SSTR3: variants seen among roughly 807,000 people sequenced by gnomAD.
SSTR3 encodes somatostatin receptor type 3.
For synonymous variants in SSTR3, 281 were observed against 269.2 expected, an observed-to-expected ratio of 1.04 and a Z score of -0.43; for missense variants, 504 against 604.7, an observed-to-expected ratio of 0.83 and a Z score of 1.75.
chr22:37,215,141 G>A (rs535336010), upstream of SSTR3, among the ~76,000 whole-genome samples: 3 of 152,254 alleles, frequency 2.0e-5, no homozygotes, highest in Non-Finnish European at 2.9e-5. Flanking sequence ...CTTATGCCTC[G>A]GTGCATACAT....
Position 37,207,176 on chromosome 22 carries a change from T to A in SSTR3, c.628A>T (p.Thr210Ser), listed in dbSNP as rs140167759. Reference sequence around the variant, plus strand: ...GGCCCGAAGAAGCCCAGTGCGGCCGTGTAGATGATGAAGCCGGCTCGCCAG... The same window carrying A: ...GGCCCGAAGAAGCCCAGTGCGGCCGAGTAGATGATGAAGCCGGCTCGCCAG... ...AAWRAGFIIY[T>S]AALGFFGPLL... The change falls in exon 2 of 2, where the codon ACG (threonine) becomes TCG (serine). Residue 210 changes from threonine (T) to serine (S), a missense_variant. Transcript: ENST00000610913. The A allele has an allele frequency of 1.1e-5, 17 of 1,611,878 alleles. No homozygotes were observed. Among genetic ancestry groups the A allele is most frequent in the Non-Finnish European group, 1.4e-5 (17 of 1,179,504 alleles).
chr22:37,213,980 A>G (rs953190321), upstream of SSTR3, among the ~76,000 whole-genome samples: 2 of 152,202 alleles, frequency 1.3e-5, no homozygotes, highest in Non-Finnish European at 2.9e-5. Flanking sequence ...CCTGCCGTGC[A>G]CTGAACTTAA....
At chr22:37,216,693 G>A (rs1304777228), upstream of SSTR3, among the ~76,000 whole-genome samples, 1 of 152,210 alleles carries the variant, frequency 6.6e-6, no homozygotes, top group Non-Finnish European at 1.5e-5. Flanking sequence ...TTGTTGTTTG[G>A]GGATTCCCTT....
In SSTR3 at chr22:37,207,371, C is replaced by T. The variant is rs142693615; in HGVS notation, c.433G>A (p.Val145Met). Residue 145 changes from valine to methionine, a missense_variant, in exon 2 of 2, where the codon GTG becomes ATG. Physicochemically the swap from Val to Met is conservative, Grantham distance 21 (BLOSUM62 1). Transcript: ENST00000610913. ...CGGGCCGAGCGGGTGGGATGTACCA[C>T]GGCCAGGTAGCGGTCCACGCTCATG... ...TVMSVDRYLA[V>M]VHPTRSARWR... is the part of the protein sequence containing the mutation. The T allele has an allele frequency of 7.4e-6, 12 of 1,610,882 alleles. No homozygotes were observed. The highest frequency in any genetic ancestry group is 1.6e-4 in the Middle Eastern group (1 of 6,072).
chr22:37,216,901 A>G (rs1244504516), upstream of SSTR3, among the ~76,000 whole-genome samples: 1 of 152,154 alleles, frequency 6.6e-6, no homozygotes, highest in Non-Finnish European at 1.5e-5. Context: ...CCCAGGCCCA[A>G]GCGATCTTCT....
rs1387701573 is a variant in SSTR3, at chr22:37,212,001, T to A, written c.-213A>T. 1 of 985,618 alleles carries A rather than the reference T, an allele frequency of 1.0e-6. No individual in the cohort carries two copies. The highest frequency in any genetic ancestry group is 1.2e-6 in the Non-Finnish European group (1 of 830,232). 61.1% of individuals were successfully genotyped at this position (985,618 alleles called of 1,614,324 possible). ...TCCCTCCCAGGCCCTCGGCCACGGCTGTCCACAGAGCCTCTCCCATCTGGT... is the reference window on the plus strand; with the variant it reads ...TCCCTCCCAGGCCCTCGGCCACGGCAGTCCACAGAGCCTCTCCCATCTGGT... On this transcript the variant is annotated 5_prime_UTR_variant, in exon 1 of 2. Transcript: ENST00000610913.
intron 1 of SSTR3, among the ~76,000 whole-genome samples, chr22:37,209,787 C>T (rs1278359720): frequency 2.0e-5 from 3 of 152,206 alleles, no homozygotes; most frequent in Admixed American, 2.0e-4. Context: ...AAACTGAAGC[C>T]AGGCCTGGGA....
At chr22:37,210,386 T>C (rs1926119363) in intron 1 of SSTR3, among the ~76,000 whole-genome samples, 6 of 152,218 alleles carry the variant, frequency 3.9e-5, no homozygotes, top group Admixed American at 3.9e-4. Context: ...CAGACCCTCC[T>C]TTGTACCAGG....
chr22:37,210,605 C>T, intron 1 of SSTR3: 1 of 985,466 alleles, frequency 1.0e-6, no homozygotes, highest in Non-Finnish European at 1.2e-6. Context: ...CTAGTTCATC[C>T]TTGAGAAGGA....
At position 37,204,872 on chromosome 22, in the gene SSTR3, G is replaced by A. The variant is rs933620016; in HGVS notation, c.*1675C>T. ...GTGCTGAAGATCCAAGTCTCCAAAA[G>A]TCTGGTTCCTGTGCTTTCCCTGAGG... On this transcript the variant is annotated 3_prime_UTR_variant, in exon 2 of 2. Coordinates refer to ENST00000610913, the MANE Select transcript of SSTR3 (RefSeq NM_001051.5). The A allele has an allele frequency of 2.0e-5, 3 of 152,300 alleles. No individual in the cohort carries two copies. Among genetic ancestry groups the A allele is most frequent in the East Asian group, 1.9e-4 (1 of 5,194 alleles). The allele number at this position is 152,300 out of a possible 1,614,324, so 9.4% of individuals were successfully genotyped here.
chr22:37,219,638 A>G, the SSTR3 span, among the ~76,000 whole-genome samples: 1 of 152,192 alleles, frequency 6.6e-6, no homozygotes, highest in Non-Finnish European at 1.5e-5. Context: ...GGAGGAGCAG[A>G]TAACGAAGAG....
In SSTR3 at chr22:37,211,979, C is replaced by T; in HGVS notation, c.-191G>A. The T allele has an allele frequency of 1.0e-6, 1 of 985,684 alleles. No homozygotes were observed. Among genetic ancestry groups the T allele is most frequent in the Non-Finnish European group, 1.2e-6 (1 of 830,168 alleles). The allele number at this position is 985,684 out of a possible 1,614,324, so 61.1% of individuals were successfully genotyped here. A position where few individuals can be genotyped will look rare whatever the true frequency, so the allele number is the denominator to read the frequency against. ...TAGACCGCTTGCGGGCTCAGGTTCC[C>T]TCCCAGGCCCTCGGCCACGGCTGTC... On this transcript the variant is annotated 5_prime_UTR_variant, in exon 1 of 2. Coordinates refer to ENST00000610913, the MANE Select transcript of SSTR3 (RefSeq NM_001051.5).
intron 1 of SSTR3, among the ~76,000 whole-genome samples, chr22:37,208,910 G>T (rs1926019488): frequency 6.6e-6 from 1 of 152,212 alleles, no homozygotes; most frequent in Non-Finnish European, 1.5e-5. Flanking sequence ...CCAGTGCCAA[G>T]GGGGAATGTC....
chr22:37,210,050 A>G (rs73887412), intron 1 of SSTR3, among the ~76,000 whole-genome samples: 349 of 152,332 alleles, frequency 2.3e-3, no homozygotes, highest in African/African-American at 8.1e-3. Flanking sequence ...CTGGAACCTT[A>G]GAGTCCTGCC....
At position 37,205,968 on chromosome 22, in the gene SSTR3, G is replaced by A. The variant is rs1409628415; in HGVS notation, c.*579C>T. On this transcript the variant is annotated 3_prime_UTR_variant, in exon 2 of 2. Coordinates refer to ENST00000610913, the MANE Select transcript of SSTR3 (RefSeq NM_001051.5). ...CTGCCTGGGCCAAAAGGGTGTAGAG[G>A]TTGTTGGGTTTTACCCAGGTGAAGC... 1.3e-5 allele frequency: 2 copies of A among 152,358 alleles called. No individual in the cohort carries two copies. Among genetic ancestry groups the A allele is most frequent in the African/African-American group, 4.8e-5 (2 of 41,428 alleles). The allele number at this position is 152,358 out of a possible 1,614,324, so 9.4% of individuals were successfully genotyped here.
intron 1 of SSTR3, among the ~76,000 whole-genome samples, chr22:37,208,447 C>T (rs1010773552): frequency 3.9e-5 from 6 of 152,034 alleles, no homozygotes; most frequent in Non-Finnish European, 8.8e-5. Context: ...CAGCCTGGGC[C>T]ATCCCACTGT....
In SSTR3 at chr22:37,212,069, C is replaced by G; in HGVS notation, c.-281G>C. The G allele has an allele frequency of 3.0e-6, 3 of 985,738 alleles. No individual in the cohort carries two copies. Among genetic ancestry groups the G allele is most frequent in the Non-Finnish European group, 3.6e-6 (3 of 830,202 alleles). 61.1% of individuals were successfully genotyped at this position (985,738 alleles called of 1,614,324 possible). On this transcript the variant is annotated 5_prime_UTR_variant, in exon 1 of 2. Transcript: ENST00000610913. ...CAACCAGAGCCTGGTACGTCACCCC[C>G]CATCTCCAGGACACATCCTGGGGGG... is the stretch of plus-strand genomic sequence containing the variant.
Position 37,206,982 on chromosome 22 carries a change from G to A in SSTR3, c.822C>T (p.Tyr274=), listed in dbSNP as rs2071710. The part of the protein sequence containing the change: ...ALFVLCWMPF[Y]VLNIVNVVCP... ...ACACCACGTTGACGATGTTGAGCAC[G>A]TAGAAGGGCATCCAGCAGAGCACGA... The change falls in exon 2 of 2, where the codon TAC becomes TAT. Residue 274 remains tyrosine (Y), a synonymous_variant. Coordinates refer to ENST00000610913, the MANE Select transcript of SSTR3 (RefSeq NM_001051.5). 0.22 allele frequency: 354,095 copies of A among 1,613,092 alleles called. 43,548 individuals are homozygous for A. Among genetic ancestry groups the A allele is most frequent in the East Asian group, 0.59 (26,530 of 44,866 alleles).
Position 37,207,399 on chromosome 22 carries a change from A to G in SSTR3, c.405T>C (p.Thr135=). 1 of 1,613,030 alleles carries G rather than the reference A, an allele frequency of 6.2e-7. No homozygotes were observed. The highest frequency in any genetic ancestry group is 8.5e-7 in the Non-Finnish European group (1 of 1,179,526). ...CCAGGTAGCGGTCCACGCTCATGAC[A>G]GTCAGGCAGAATATGCTGGTGAACT... The part of the protein sequence containing the change: ...INQFTSIFCL[T]VMSVDRYLAV... The change falls in exon 2 of 2, where the codon ACT becomes ACC. Residue 135 remains threonine, a synonymous_variant. Transcript: ENST00000610913.
Sources: gnomAD v4.1 joint callset for allele counts (sites outside exome capture counted in the v4.1 genomes callset) on GRCh38, gnomAD v4.1.1 for gene constraint, MANE v1.5 for transcripts, NCBI Gene and HGNC (gene_info 2026-07-23, HGNC 2026-07-21) for gene names.